LY86: variants seen among roughly 807,000 people sequenced by gnomAD.
The protein encoded by LY86 is lymphocyte antigen 86.
A neutral mutation model predicts 17.3 loss-of-function variants in LY86; 20 were observed. The ratio of observed to expected loss-of-function variants is 1.15; its 90% CI spans 0.81 to 1.68. The LOEUF is 1.68. Ranked by LOEUF, LY86 falls within the 40% of genes most tolerant of loss-of-function variation. LY86 has a pLI of 0.00. For missense variants in LY86, 200 were observed against 191.9 expected, an observed-to-expected ratio of 1.04 and a Z score of -0.25; for synonymous variants, 74 against 70.6, an observed-to-expected ratio of 1.05 and a Z score of -0.24.
chr6:6,600,587 C>CAAAAAAAAAAAAAAAAAAA (rs59560744), intron 1 of LY86, among the ~76,000 whole-genome samples: 2 of 82,450 alleles, frequency 2.4e-5, no homozygotes, highest in Admixed American at 1.5e-4. Context: ...GAGACTCCAT[C>CAAAAAAAAAAAAAAAAAAA]AAAAAAAAAA....
chr6:6,604,875 C>T (rs1360532713), intron 1 of LY86, among the ~76,000 whole-genome samples: 3 of 150,834 alleles, frequency 2.0e-5, no homozygotes, highest in Non-Finnish European at 4.4e-5. Flanking sequence ...GAGAAATTAC[C>T]TAAAAGAAGT....
intron 1 of LY86, among the ~76,000 whole-genome samples, chr6:6,594,363 G>A (rs559170322): frequency 6.6e-6 from 1 of 152,210 alleles, no homozygotes; most frequent in East Asian, 1.9e-4. Flanking sequence ...CATGACACAT[G>A]GAAATTATCT....
rs540269062 is a variant in LY86 at position 6,613,278 on chromosome 6, ACTC to A, written c.137-11644_137-11642del. ...TGCCAATCCCGCGCCGTGCGCCCGC[ACTC>A]CTCAGCCCTTGTGCAGTCTAGGGGA... On this transcript the variant is annotated intron_variant, in intron 1 of 4. Transcript: ENST00000230568. Among the ~76,000 whole-genome samples, 6 of 152,134 alleles carry A rather than the reference ACTC, an allele frequency of 3.9e-5. No individual in the cohort carries two copies. The South Asian group carries it at 1.2e-3, about 32-fold the overall frequency.
chr6:6,611,800 C>T lies in LY86; in HGVS notation c.137-13126C>T, dbSNP rs528953780. 3.1e-4 allele frequency among the ~76,000 whole-genome samples: 47 copies of T among 152,216 alleles called. No homozygotes were observed. In the East Asian group the frequency reaches 8.9e-3, roughly 29 times the overall value. On this transcript the variant is annotated intron_variant, in intron 1 of 4. Coordinates refer to ENST00000230568, the MANE Select transcript of LY86 (RefSeq NM_004271.4). ...TATCAAACAGTACGGGCTCAAAAAG[C>T]TTTAACAATCGGACCGATAAAATAG...
intron 1 of LY86, among the ~76,000 whole-genome samples, chr6:6,612,030 G>C (rs906387112): frequency 2.3e-5 from 2 of 87,520 alleles, no homozygotes; most frequent in African/African-American, 5.4e-5. Context: ...GTGGTCTCTT[G>C]TATTAGGAGA....
intron 1 of LY86, among the ~76,000 whole-genome samples, chr6:6,601,343 A>C (rs1760900641): frequency 6.6e-6 from 1 of 151,798 alleles, no homozygotes; most frequent in African/African-American, 2.4e-5. Context: ...GAAGATGGAA[A>C]GTGAGGGTCA....
At chr6:6,627,930 A>G (rs187124569) in intron 3 of LY86, among the ~76,000 whole-genome samples, 119 of 152,340 alleles carry the variant, frequency 7.8e-4, no homozygotes, top group African/African-American at 2.5e-3. Context: ...AAAAGAACAA[A>G]CAATACAACA....
intron 1 of LY86, among the ~76,000 whole-genome samples, chr6:6,618,424 A>G (rs1287691060): frequency 3.7e-5 from 4 of 109,016 alleles, no homozygotes; most frequent in East Asian, 3.1e-4. Flanking sequence ...CTTATTATGA[A>G]TTCAATTTTT....
intron 1 of LY86, among the ~76,000 whole-genome samples, chr6:6,598,748 C>A (rs1381108294): frequency 8.8e-5 from 2 of 22,718 alleles, no homozygotes; most frequent in Non-Finnish European, 3.4e-4. Flanking sequence ...GAAACTCATG[C>A]CTGCCCTTGC....
chr6:6,651,990 A>C (rs1026710996), intron 4 of LY86, among the ~76,000 whole-genome samples: 5 of 127,150 alleles, frequency 3.9e-5, no homozygotes, highest in Non-Finnish European at 6.3e-5. Context: ...CAGGAGGCGG[A>C]GGTTGCAGTG....
chr6:6,648,404 A>G (rs181790762), intron 3 of LY86, among the ~76,000 whole-genome samples: 6 of 152,246 alleles, frequency 3.9e-5, no homozygotes, highest in Admixed American at 3.9e-4. Context: ...TTCTCAACAC[A>G]GTTCCTCTTG....
intron 1 of LY86, among the ~76,000 whole-genome samples, chr6:6,603,448 G>A (rs1760977279): frequency 1.3e-5 from 2 of 151,628 alleles, no homozygotes; most frequent in African/African-American, 2.4e-5. Flanking sequence ...TAAAAAAACT[G>A]CCTTGCTATA....
At chr6:6,624,216 G>A (rs1215632145) in intron 1 of LY86, among the ~76,000 whole-genome samples, 4 of 152,176 alleles carry the variant, frequency 2.6e-5, no homozygotes, top group East Asian at 3.8e-4. Flanking sequence ...GGAGCCAGTC[G>A]CTCATTTCTG....
chr6:6,613,524 C>G (rs1399967410), intron 1 of LY86, among the ~76,000 whole-genome samples: 5 of 152,190 alleles, frequency 3.3e-5, no homozygotes, highest in Admixed American at 3.3e-4. Context: ...GGCTTGCTGT[C>G]AGGCCGGCCG....
At position 6,641,398 on chromosome 6, in the gene LY86, C is replaced by T. The variant is rs188686328; in HGVS notation, c.353-8227C>T. On this transcript the variant is annotated intron_variant, in intron 3 of 4. Coordinates refer to ENST00000230568, the MANE Select transcript of LY86 (RefSeq NM_004271.4). ...CAAAGACAGAGTTCACCGTGCCCCC[C>T]TCCTGCTTCCTCCAGTCCCTCTTTT... is the stretch of plus-strand genomic sequence containing the variant. Among the ~76,000 whole-genome samples, 263 of 152,354 alleles carry T rather than the reference C, an allele frequency of 1.7e-3. 2 individuals carry two copies. The highest frequency in any genetic ancestry group is 6.0e-3 in the African/African-American group (248 of 41,578).
At chr6:6,636,830 T>C (rs1761965716) in intron 3 of LY86, among the ~76,000 whole-genome samples, 1 of 150,992 alleles carries the variant, frequency 6.6e-6, no homozygotes, top group East Asian at 2.0e-4. Flanking sequence ...AGCAAATTCA[T>C]GCAGAATCAC....
intron 3 of LY86, among the ~76,000 whole-genome samples, chr6:6,639,187 C>T (rs181796811): frequency 2.0e-3 from 304 of 152,288 alleles, no homozygotes; most frequent in Non-Finnish European, 3.2e-3. Context: ...ACAGTCCATC[C>T]TGAGTTCGTT....
chr6:6,624,374 A>AATGCGATGGGATGGGATGGGATGGG (rs1554125574), intron 1 of LY86, among the ~76,000 whole-genome samples: 3 of 101,726 alleles, frequency 2.9e-5, no homozygotes, highest in Non-Finnish European at 3.9e-5. Context: ...CATTACATTA[A>AATGCGATGGGATGGGATGGGATGGG]ATGGGATGGG....
At chr6:6,653,699 T>C (rs780625462) in intron 4 of LY86, among the ~76,000 whole-genome samples, 1 of 152,136 alleles carries the variant, frequency 6.6e-6, no homozygotes, top group African/African-American at 2.4e-5. Context: ...CTCCCCGGGG[T>C]CTTCTCTGTC....
Sources: gnomAD v4.1 joint callset for allele counts (sites outside exome capture counted in the v4.1 genomes callset) on GRCh38, gnomAD v4.1.1 for gene constraint, MANE v1.5 for transcripts, NCBI Gene and HGNC (gene_info 2026-07-23, HGNC 2026-07-21) for gene names.